WIF1: variants seen among roughly 807,000 people sequenced by gnomAD.
WIF1 encodes Wnt inhibitory factor 1.
In WIF1, 35 loss-of-function variants were observed where a neutral mutation model predicts 53.5. The observed-to-expected ratio is 0.65, with a 90% CI of 0.50 to 0.87. The LOEUF (loss-of-function observed/expected upper bound fraction) is 0.87, where lower values mean the gene tolerates loss of function less well. Ranked by LOEUF, WIF1 falls within the 40% of genes least tolerant of loss-of-function variation. WIF1 has a pLI of 0.00. For missense variants in WIF1, 467 were observed against 476.8 expected (o/e 0.98, Z 0.19); for synonymous variants, 171 against 170.4 (o/e 1.00, Z -0.03).
Position 65,121,126 on chromosome 12 carries a change from C to T in WIF1, c.66G>A (p.Leu22=). 1 of 1,549,278 alleles carries T rather than the reference C, an allele frequency of 6.5e-7. No individual in the cohort carries two copies. Among genetic ancestry groups the T allele is most frequent in the Admixed American group, 2.0e-5 (1 of 50,962 alleles). The change falls in exon 1 of 10, where the codon CTG becomes CTA. Residue 22 remains leucine (L), a synonymous_variant. Coordinates refer to ENST00000286574, the MANE Select transcript of WIF1 (RefSeq NM_007191.5). The part of the protein sequence containing the change: ...LWLWSILLCL[L]ALRAEAGPPQ... ...GCGGCCCGGCCTCCGCCCGCAGTGC[C>T]AGCAGGCACAGGAGGATGCTCCAGA... is the stretch of plus-strand genomic sequence containing the variant.
chr12:65,055,002 TGTTA>T, intron 9 of WIF1, 112 bp downstream of exon 9: 1 of 1,021,166 alleles, frequency 9.8e-7, no homozygotes, highest in South Asian at 1.7e-5. Flanking sequence ...ATAGGTTGAC[TGTTA>T]GCCTTTGAAG....
chr12:65,068,718 T>C, intron 4 of WIF1, 46 bp downstream of exon 4: 1 of 1,594,872 alleles, frequency 6.3e-7, no homozygotes, highest in Non-Finnish European at 8.6e-7. Context: ...AAATCACACC[T>C]AAGCCCTTAC....
chr12:65,076,370 A>C (rs185672006), intron 3 of WIF1, among the ~76,000 whole-genome samples: 2 of 152,264 alleles, frequency 1.3e-5, no homozygotes, highest in East Asian at 3.9e-4. Flanking sequence ...TAAAGTAGTT[A>C]ATGTGATTAA....
At chr12:65,081,858 TA>T (rs558546121) in intron 2 of WIF1, among the ~76,000 whole-genome samples, 28 of 145,488 alleles carry the variant, frequency 1.9e-4, no homozygotes, top group East Asian at 4.0e-4. Context: ...AGTTTTAAGA[TA>T]AAAAAAAAAG....
chr12:65,095,107 ATT>A (rs71096025), intron 2 of WIF1, among the ~76,000 whole-genome samples: 4 of 139,558 alleles, frequency 2.9e-5, no homozygotes, highest in East Asian at 2.1e-4. Context: ...TAATTTTTGT[ATT>A]TTTTTTTTTT....
chr12:65,104,066 C>T (rs1029794999), intron 2 of WIF1, among the ~76,000 whole-genome samples: 60 of 152,030 alleles, frequency 3.9e-4, no homozygotes, highest in Non-Finnish European at 5.6e-4. Context: ...CTCCAGCCCA[C>T]CGCCAAAAAA....
intron 2 of WIF1, among the ~76,000 whole-genome samples, chr12:65,099,650 C>A (rs1345404074): frequency 6.6e-6 from 1 of 152,164 alleles, no homozygotes; most frequent in Non-Finnish European, 1.5e-5. Context: ...TGGGTACTTT[C>A]TCCAAAGACT....
intron 9 of WIF1, among the ~76,000 whole-genome samples, chr12:65,052,268 C>T (rs1407628421): frequency 6.6e-6 from 1 of 152,192 alleles, no homozygotes; most frequent in Non-Finnish European, 1.5e-5. Flanking sequence ...TAAATGCAAA[C>T]ATGCCATTAA....
intron 2 of WIF1, 72 bp from the exon 3 acceptor site, chr12:65,077,926 C>T: frequency 8.8e-7 from 1 of 1,141,766 alleles, no homozygotes; most frequent in East Asian, 2.4e-5. Flanking sequence ...AATTCATCGT[C>T]CATCTGATGG....
At chr12:65,117,539 C>T (rs1233430430) in intron 2 of WIF1, among the ~76,000 whole-genome samples, 1 of 152,072 alleles carries the variant, frequency 6.6e-6, no homozygotes, top group Non-Finnish European at 1.5e-5. Flanking sequence ...TTCCATGGAC[C>T]GGGCGGTGGA....
intron 2 of WIF1, among the ~76,000 whole-genome samples, chr12:65,119,077 A>T (rs904493147): frequency 6.6e-6 from 1 of 152,220 alleles, no homozygotes; most frequent in Non-Finnish European, 1.5e-5. Context: ...TGACCATCTG[A>T]TGAGCGGTCA....
chr12:65,094,840 C>G lies in WIF1; in HGVS notation c.289-16986G>C, dbSNP rs575925735. On this transcript the variant is annotated intron_variant, in intron 2 of 9. Transcript: ENST00000286574. ...CCTCCCACTCCCCACTCCATCGTCACCTTAGTGAGTTTTGTTACCTGTTAT... is the reference window on the plus strand; with the variant it reads ...CCTCCCACTCCCCACTCCATCGTCAGCTTAGTGAGTTTTGTTACCTGTTAT... 2.0e-5 allele frequency among the ~76,000 whole-genome samples: 3 copies of G among 152,136 alleles called. No homozygotes were observed. The East Asian group carries it at 5.8e-4, about 29-fold the overall frequency.
intron 1 of WIF1, chr12:65,120,820 G>A (rs1883597719): frequency 4.7e-6 from 4 of 853,202 alleles, no homozygotes; most frequent in Non-Finnish European, 6.7e-6. Context: ...AAAAACGCAG[G>A]GCTATAAAAA....
chr12:65,063,099 G>A (rs187686353), intron 6 of WIF1, among the ~76,000 whole-genome samples: 100 of 152,128 alleles, frequency 6.6e-4, no homozygotes, highest in African/African-American at 1.4e-3. Flanking sequence ...TATGACTTTC[G>A]GAGAAAAGAG....
At chr12:65,067,393 A>C (rs1882703001) in intron 5 of WIF1, among the ~76,000 whole-genome samples, 1 of 152,154 alleles carries the variant, frequency 6.6e-6, no homozygotes, top group Non-Finnish European at 1.5e-5. Context: ...GCTACTTTCA[A>C]CTGGAACAAT....
At position 65,112,400 on chromosome 12, in the gene WIF1, C is replaced by T. The variant is rs1026013854; in HGVS notation, c.288+8017G>A. On this transcript the variant is annotated intron_variant, in intron 2 of 9. Coordinates refer to ENST00000286574, the MANE Select transcript of WIF1 (RefSeq NM_007191.5). Reference sequence around the variant, plus strand: ...AAGAATTTTTTTACAGTTCCCTGCTCTAATCACACACACACACACACACAC... The same window carrying T: ...AAGAATTTTTTTACAGTTCCCTGCTTTAATCACACACACACACACACACAC... Among the ~76,000 whole-genome samples, 4 of 60,554 alleles carry T rather than the reference C, an allele frequency of 6.6e-5. 1 individual carries two copies. The highest frequency in any genetic ancestry group is 1.7e-4 in the Non-Finnish European group (4 of 24,122). 39.7% of individuals were successfully genotyped at this position (60,554 alleles called of 152,430 possible). A position where few individuals can be genotyped will look rare whatever the true frequency, so the allele number is the denominator to read the frequency against.
At chr12:65,101,957 C>T (rs1565759137) in intron 2 of WIF1, among the ~76,000 whole-genome samples, 1 of 152,210 alleles carries the variant, frequency 6.6e-6, no homozygotes, top group Admixed American at 6.5e-5. Flanking sequence ...CTAGCACTAA[C>T]AGCTCATTTA....
intron 7 of WIF1, among the ~76,000 whole-genome samples, chr12:65,057,737 A>G (rs960026680): frequency 1.3e-5 from 2 of 152,180 alleles, no homozygotes; most frequent in Non-Finnish European, 2.9e-5. Flanking sequence ...TCACTCTCTA[A>G]GCCCTTCTTT....
intron 2 of WIF1, among the ~76,000 whole-genome samples, chr12:65,101,461 A>G (rs1592401622): frequency 6.6e-6 from 1 of 152,220 alleles, no homozygotes; most frequent in Non-Finnish European, 1.5e-5. Flanking sequence ...AATTGAAGAC[A>G]CTGAAATCAA....
Sources: allele counts gnomAD v4.1 joint callset (sites outside exome capture counted in the v4.1 genomes callset), GRCh38; gene constraint gnomAD v4.1.1; transcripts MANE v1.5; gene names NCBI Gene and HGNC (gene_info 2026-07-23, HGNC 2026-07-21).